Variants in CPSF1 observed in about 807,000 individuals in gnomAD.
CPSF1 encodes cleavage and polyadenylation specific factor 1, also known as cleavage and polyadenylation specificity factor subunit 1.
CPSF1 carries 106 observed loss-of-function variants against 175.8 expected under a neutral mutation model. That is an observed-to-expected ratio of 0.60 (90% CI 0.52 to 0.71). The LOEUF (loss-of-function observed/expected upper bound fraction) is 0.71. CPSF1 is among the 30% of genes least tolerant of loss of function. The pLI is 0.00. For missense variants in CPSF1, 1,734 were observed against 2,022.9 expected, an observed-to-expected ratio of 0.86 and a Z score of 2.74; for synonymous variants, 1,024 against 858.3, an observed-to-expected ratio of 1.19 and a Z score of -3.37.
intron 21 of CPSF1, 35 bp downstream of exon 21, chr8:144,397,708 C>T (rs2977835): frequency 0.61 from 967,582 of 1,578,546 alleles, 301,818 homozygotes; most frequent in Middle Eastern, 0.68. Flanking sequence ...CCCCAGGGAC[C>T]CAAGCCCCTA....
chr8:144,401,248 G>C lies in CPSF1; in HGVS notation c.350C>G (p.Thr117Ser). 1.3e-6 allele frequency: 2 copies of C among 1,551,968 alleles called. No individual in the cohort carries two copies. Among genetic ancestry groups the C allele is most frequent in the Non-Finnish European group, 1.7e-6 (2 of 1,147,616 alleles). ...EYDPGTHDLK[T>S]LSLHYFEEPE... ...CTCCTCAAAGTAGTGCAGTGACAGG[G>C]TCTTCAGGTCATGGGTGCCCGGGTC... The change falls in exon 5 of 38, where the codon ACC becomes AGC. Residue 117 changes from threonine to serine, a missense_variant. This residue lies in a region of CPSF1 where 122 missense variants were observed against 177.2 expected (regional missense o/e 0.69). Coordinates refer to ENST00000616140, the MANE Select transcript of CPSF1 (RefSeq NM_013291.3).
chr8:144,394,779 C>T lies in CPSF1; in HGVS notation c.3432G>A (p.Val1144=). 1 of 1,613,622 alleles carries T rather than the reference C, an allele frequency of 6.2e-7. No homozygotes were observed. The highest frequency in any genetic ancestry group is 8.5e-7 in the Non-Finnish European group (1 of 1,179,956). The change falls in exon 31 of 38, where the codon GTG becomes GTA. Residue 1144 remains valine, a synonymous_variant. Coordinates refer to ENST00000616140, the MANE Select transcript of CPSF1 (RefSeq NM_013291.3). The stretch of plus-strand genomic sequence containing the variant: ...GGCCAGGCTCGGGCACCACCTCAAT[C>T]ACATCCATGATCAAGATCTGGAGGG... ...TCRGRILIMD[V]IEVVPEPGQP... is the part of the protein sequence containing the mutation.
intron 9 of CPSF1, 36 bp downstream of exon 9, chr8:144,400,130 C>A: frequency 8.8e-7 from 1 of 1,142,278 alleles, no homozygotes; most frequent in Non-Finnish European, 1.2e-6. Context: ...CCAAGCCGTC[C>A]CCGGGCCCCC....
rs1820500874 is a variant in CPSF1 at position 144,393,716 on chromosome 8, G to A, written c.4096C>T (p.Leu1366=). 6.4e-7 allele frequency: 1 copy of A among 1,568,496 alleles called. No homozygotes were observed. The highest frequency in any genetic ancestry group is 8.6e-7 in the Non-Finnish European group (1 of 1,163,882). The change falls in exon 36 of 38, where the codon CTG becomes TTG. Residue 1366 remains leucine, a synonymous_variant. Coordinates refer to ENST00000616140, the MANE Select transcript of CPSF1 (RefSeq NM_013291.3). ...GCGTGGTGTGGCAGCATGGTGGTCA[G>A]CGCGTTCTGCAGCATCAGCAGCCGC... ...YRRLLMLQNA[L]TTMLPHHAGL...
In CPSF1 at chr8:144,393,544, C is replaced by G. The variant is rs782245721; in HGVS notation, c.4192G>C (p.Val1398Leu). Residue 1398 changes from valine to leucine, a missense_variant, in exon 37 of 38, where the codon GTG becomes CTG. Val to Leu is a conservative substitution (Grantham distance 32). Coordinates refer to ENST00000616140, the MANE Select transcript of CPSF1 (RefSeq NM_013291.3). ...CGGTTGAGCAGCTCCCCATCCAGCA[C>G]GTTGCGCACGGCATTCTGGAGGGTG... ...RRTLQNAVRNVLDGELLNRYL... is the reference protein window; with the variant it reads ...RRTLQNAVRNLLDGELLNRYL... The G allele has an allele frequency of 1.9e-6, 3 of 1,602,192 alleles. No individual in the cohort carries two copies. Among genetic ancestry groups the G allele is most frequent in the East Asian group, 4.5e-5 (2 of 44,356 alleles).
At chr8:144,397,036 T>C (rs1217884319) in intron 23 of CPSF1, 107 bp from the exon 24 acceptor site, 2 of 792,284 alleles carry the variant, frequency 2.5e-6, no homozygotes, top group Non-Finnish European at 3.7e-6. Flanking sequence ...TGAGATGGGG[T>C]GGAGCCATGT....
In CPSF1 at chr8:144,394,637, G is replaced by A. The variant is rs1820594989; in HGVS notation, c.3567+7C>T. Reference sequence around the variant, plus strand: ...CGGGGGACACACGCCGGGTGGGACTGGCACACCTTCTGGCCGATGGCCGAC... The same window carrying A: ...CGGGGGACACACGCCGGGTGGGACTAGCACACCTTCTGGCCGATGGCCGAC... On this transcript the variant is annotated splice_region_variant and intron_variant, in intron 31 of 37. Coordinates refer to ENST00000616140, the MANE Select transcript of CPSF1 (RefSeq NM_013291.3). 1.9e-6 allele frequency: 3 copies of A among 1,604,992 alleles called. No individual in the cohort carries two copies. The highest frequency in any genetic ancestry group is 1.1e-5 in the South Asian group (1 of 90,058).
intron 9 of CPSF1, 31 bp downstream of exon 9, chr8:144,400,135 G>GGGGGGGGCCCCCCCCCCCCCCCCCC: frequency 4.5e-6 from 4 of 896,002 alleles, no homozygotes; most frequent in South Asian, 1.6e-5. Flanking sequence ...CCGTCCCCGG[G>GGGGGGGGCCCCCCCCCCCCCCCCCC]CCCCCCCCGC....
Position 144,399,623 on chromosome 8 carries a change from G to C in CPSF1, c.1207C>G (p.Pro403Ala). ...LLKYTEKLQEPPASAVREAAD... is the reference protein window; with the variant it reads ...LLKYTEKLQEAPASAVREAAD... ...GCCTCACGGACAGCACTGGCCGGGG[G>C]CTCCTGCAGCTTCTCCGTGTACTTG... The change falls in exon 12 of 38, where the codon CCC (proline) becomes GCC (alanine). Residue 403 changes from proline (P) to alanine (A), a missense_variant. Physicochemically the swap from Pro to Ala is conservative, Grantham distance 27. This residue lies in a region of CPSF1 where 162 missense variants were observed against 169.5 expected (regional missense o/e 0.96). Coordinates refer to ENST00000616140, the MANE Select transcript of CPSF1 (RefSeq NM_013291.3). This position sits in a 1 kb window ranked among gnomAD's most constrained non-coding sequence, Gnocchi z 6.4. 1 of 1,610,614 alleles carries C rather than the reference G, an allele frequency of 6.2e-7. No individual in the cohort carries two copies. The highest frequency in any genetic ancestry group is 8.5e-7 in the Non-Finnish European group (1 of 1,178,748).
At chr8:144,405,271 G>C (rs2116901428) in intron 2 of CPSF1, among the ~76,000 whole-genome samples, 65 of 152,332 alleles carry the variant, frequency 4.3e-4, no homozygotes, top group South Asian at 6.2e-4. Context: ...TGATGGGGCT[G>C]CTGTTTGCCT....
In CPSF1 at chr8:144,399,187, G is replaced by A; in HGVS notation, c.1408C>T (p.Leu470=). Residue 470 remains leucine, a synonymous_variant, in exon 15 of 38, where the codon CTG becomes TTG. Transcript: ENST00000616140. This position sits in a 1 kb window ranked among gnomAD's most constrained non-coding sequence, Gnocchi z 6.4. ...TYSFEVCDSI[L]NIGPCANAAV... is the part of the protein sequence containing the mutation. ...GCATTGGCACAGGGTCCAATGTTCAGGATGCTGTCACACACCTGCGGCACA... is the reference window on the plus strand; with the variant it reads ...GCATTGGCACAGGGTCCAATGTTCAAGATGCTGTCACACACCTGCGGCACA... The A allele has an allele frequency of 1.2e-6, 2 of 1,608,480 alleles. No homozygotes were observed. The highest frequency in any genetic ancestry group is 2.2e-5 in the South Asian group (2 of 90,342).
intron 19 of CPSF1, 57 bp downstream of exon 19, chr8:144,398,245 C>A: frequency 1.9e-6 from 2 of 1,073,568 alleles, no homozygotes; most frequent in Non-Finnish European, 2.5e-6. Flanking sequence ...CCGTCCCCAC[C>A]CACCTACCTC....
In CPSF1 at chr8:144,409,328, G is replaced by T; in HGVS notation, c.-54C>A. 1 of 443,984 alleles carries T rather than the reference G, an allele frequency of 2.3e-6. No homozygotes were observed. Among genetic ancestry groups the T allele is most frequent in the Non-Finnish European group, 3.4e-6 (1 of 290,672 alleles). The allele number at this position is 443,984 out of a possible 1,614,324, so 27.5% of individuals were successfully genotyped here. On this transcript the variant is annotated 5_prime_UTR_variant, in exon 1 of 38. In the 5' UTR this introduces an upstream ATG that the reference lacks. Transcript: ENST00000616140. ...CGACTCGAGAGGAACCGGGACAGCAGCGAACTCAGTCCGGCCGGGCCCAGA... is the reference window on the plus strand; with the variant it reads ...CGACTCGAGAGGAACCGGGACAGCATCGAACTCAGTCCGGCCGGGCCCAGA...
rs1820620472 is a variant in CPSF1, at chr8:144,395,010, C to T, written c.3286G>A (p.Glu1096Lys). 3 of 1,610,238 alleles carry T rather than the reference C, an allele frequency of 1.9e-6. No homozygotes were observed. The highest frequency in any genetic ancestry group is 1.7e-6 in the Non-Finnish European group (2 of 1,177,920). ...AIPNARIELQ[E>K]WEHVTCMKTV... ...TTCATGCAGGTCACATGCTCCCACT[C>T]CTGCAGCTCGATCCTGTGGGGGCCA... The change falls in exon 30 of 38, where the codon GAG becomes AAG. Residue 1096 changes from glutamate to lysine, a missense_variant. Coordinates refer to ENST00000616140, the MANE Select transcript of CPSF1 (RefSeq NM_013291.3).
chr8:144,398,805 C>A lies in CPSF1; in HGVS notation c.1612G>T (p.Val538Phe). ...ELPGCYDMWTVIAPVRKEEED... is the reference protein window; with the variant it reads ...ELPGCYDMWTFIAPVRKEEED... ...TCCTCCTTACGCACCGGGGCGATGA[C>A]TGTCCACATGTCATAGCAGCCGGGA... Residue 538 changes from valine to phenylalanine, a missense_variant, in exon 17 of 38, where the codon GTC becomes TTC. By Grantham distance (50) the Val-to-Phe change is conservative. Transcript: ENST00000616140. 6.2e-7 allele frequency: 1 copy of A among 1,605,408 alleles called. No homozygotes were observed. Among genetic ancestry groups the A allele is most frequent in the South Asian group, 1.1e-5 (1 of 90,346 alleles).
Position 144,402,177 on chromosome 8 carries a change from T to C in CPSF1, c.145-504A>G, listed in dbSNP as rs190577184. Among the ~76,000 whole-genome samples, 26 of 152,380 alleles carry C rather than the reference T, an allele frequency of 1.7e-4. No individual in the cohort carries two copies. The East Asian group carries it at 4.8e-3, about 28-fold the overall frequency. On this transcript the variant is annotated intron_variant, in intron 2 of 37. Coordinates refer to ENST00000616140, the MANE Select transcript of CPSF1 (RefSeq NM_013291.3). ...GGCTGCCTCTCTATCTCCTCCCTTT[T>C]CACTGCCCTCCCAGAATGATAAGAG...
intron 23 of CPSF1, 67 bp downstream of exon 23, chr8:144,397,140 G>T: frequency 7.0e-7 from 1 of 1,429,796 alleles, no homozygotes; most frequent in Non-Finnish European, 9.4e-7. Flanking sequence ...GGAAGGGGCG[G>T]GGCTGTGGGG....
rs2116881005 is a variant in CPSF1, at chr8:144,401,050, G to A, written c.413C>T (p.Thr138Met). Reference protein sequence around the residue: ...LRDGFVQNVHTPRVRVDPDGR... With the variant: ...LRDGFVQNVHMPRVRVDPDGR... Reference sequence around the variant, plus strand: ...GTCGGGGTCCACCCGCACTCGCGGCGTGTGTACATTCTGCACAAACCCGTC... The same window carrying A: ...GTCGGGGTCCACCCGCACTCGCGGCATGTGTACATTCTGCACAAACCCGTC... Residue 138 changes from threonine (T) to methionine (M), a missense_variant, in exon 6 of 38, where the codon ACG becomes ATG. Thr to Met is a moderately conservative substitution (Grantham distance 81). Around this residue, in one of 10 missense-constraint regions of CPSF1, gnomAD observed 122 missense variants for 177.2 expected, o/e 0.69. Coordinates refer to ENST00000616140, the MANE Select transcript of CPSF1 (RefSeq NM_013291.3). 1.2e-5 allele frequency: 19 copies of A among 1,607,770 alleles called. No homozygotes were observed. The highest frequency in any genetic ancestry group is 6.6e-5 in the South Asian group (6 of 90,718).
At position 144,395,429 on chromosome 8, in the gene CPSF1, G is replaced by A. The variant is rs1820660757; in HGVS notation, c.3096+6C>T. The A allele has an allele frequency of 2.5e-6, 4 of 1,612,750 alleles. No homozygotes were observed. The highest frequency in any genetic ancestry group is 1.7e-6 in the Non-Finnish European group (2 of 1,179,706). Reference sequence around the variant, plus strand: ...GGTCCCTGGTGGGGTGGGGGTGGGGGCAGACCTTAGACTCCACGTGGTAAG... The same window carrying A: ...GGTCCCTGGTGGGGTGGGGGTGGGGACAGACCTTAGACTCCACGTGGTAAG... On this transcript the variant is annotated splice_donor_region_variant and intron_variant, in intron 27 of 37. Transcript: ENST00000616140.
Sources: gnomAD v4.1 joint callset for allele counts (sites outside exome capture counted in the v4.1 genomes callset) on GRCh38, gnomAD v4.1.1 for gene constraint, gnomAD v4.1.1 regional missense constraint, Gnocchi (gnomAD v3.1) non-coding constraint, MANE v1.5 for transcripts, NCBI Gene and HGNC (gene_info 2026-07-23, HGNC 2026-07-21) for gene names.